CNTNAP2: variants seen among roughly 807,000 people sequenced by gnomAD.
CNTNAP2 encodes the protein contactin associated protein 2.
CNTNAP2 carries 98 observed loss-of-function variants against 155.2 expected under a neutral mutation model. The ratio of observed to expected loss-of-function variants is 0.63; its 90% CI spans 0.54 to 0.75. CNTNAP2 has a LOEUF of 0.75. CNTNAP2 is among the 30% of genes least tolerant of loss of function. The probability of loss-of-function intolerance (pLI) is 0.00; values close to 1 mark genes in which losing one functional copy is unlikely to be tolerated. For synonymous variants in CNTNAP2, 651 were observed against 631.2 expected (o/e 1.03, Z -0.47); for missense variants, 1,727 against 1,688.1 (o/e 1.02, Z -0.40).
In CNTNAP2 at chr7:148,350,726, G is replaced by A. The variant is rs534910306; in HGVS notation, c.3476-32923G>A. Among the ~76,000 whole-genome samples, 5 of 152,292 alleles carry A rather than the reference G, an allele frequency of 3.3e-5. No individual in the cohort carries two copies. The East Asian group carries it at 7.7e-4, about 23-fold the overall frequency. On this transcript the variant is annotated intron_variant, in intron 21 of 23. Transcript: ENST00000361727. ...CGTTCTTGTTGCAGTCATATATTTCGTGGTTTCATTAAATCGGCCTTGGTA... is the reference window on the plus strand; with the variant it reads ...CGTTCTTGTTGCAGTCATATATTTCATGGTTTCATTAAATCGGCCTTGGTA...
At chr7:147,094,456 C>T (rs1167979403) in intron 4 of CNTNAP2, among the ~76,000 whole-genome samples, 3 of 142,630 alleles carry the variant, frequency 2.1e-5, no homozygotes, top group South Asian at 2.2e-4. Context: ...GGCTGGAGTG[C>T]GGTGCCGCGA....
intron 5 of CNTNAP2, among the ~76,000 whole-genome samples, chr7:147,110,956 C>A (rs1179991261): frequency 6.6e-6 from 1 of 152,160 alleles, no homozygotes; most frequent in East Asian, 1.9e-4. Context: ...TTCACGCTGT[C>A]TTCCACAATG....
Position 148,228,764 on chromosome 7 carries a change from C to T in CNTNAP2, c.3248-882C>T, listed in dbSNP as rs180713762. Among the ~76,000 whole-genome samples the T allele has an allele frequency of 5.3e-3, 768 of 145,584 alleles. 9 individuals carry two copies. Among genetic ancestry groups the T allele is most frequent in the African/African-American group, 0.019 (745 of 39,596 alleles). The stretch of plus-strand genomic sequence containing the variant: ...AATGGCGTGAACCCGGGAGGCGGAG[C>T]TTACAGTGAGCCGAGATCGCGCCAC... On this transcript the variant is annotated intron_variant, in intron 19 of 23. Transcript: ENST00000361727.
intron 3 of CNTNAP2, among the ~76,000 whole-genome samples, chr7:147,022,749 A>G (rs1388151069): frequency 6.6e-6 from 1 of 152,100 alleles, no homozygotes; most frequent in Non-Finnish European, 1.5e-5. Flanking sequence ...CTTTTATCCC[A>G]ATTCGAATAT....
At chr7:147,601,467 G>A (rs983986898) in intron 12 of CNTNAP2, among the ~76,000 whole-genome samples, 23 of 151,956 alleles carry the variant, frequency 1.5e-4, no homozygotes, top group Non-Finnish European at 3.1e-4. Context: ...ACAAGGTAAT[G>A]TCATCAGTTA....
chr7:147,350,018 C>A (rs1206104848), intron 9 of CNTNAP2, among the ~76,000 whole-genome samples: 1 of 151,738 alleles, frequency 6.6e-6, no homozygotes, highest in Non-Finnish European at 1.5e-5. Flanking sequence ...GAATAATGAA[C>A]AAATTTATAA....
chr7:146,906,049 C>T (rs1324412393), intron 3 of CNTNAP2, among the ~76,000 whole-genome samples: 1 of 152,210 alleles, frequency 6.6e-6, no homozygotes, highest in Non-Finnish European at 1.5e-5. Flanking sequence ...GACGGACGCA[C>T]CTGGAAAATC....
intron 16 of CNTNAP2, among the ~76,000 whole-genome samples, chr7:148,141,767 G>C (rs528066291): frequency 6.6e-6 from 1 of 152,308 alleles, no homozygotes; most frequent in South Asian, 2.1e-4. Context: ...ATTTAACATA[G>C]AATGTTTAGG....
At chr7:147,573,053 G>T (rs974517001) in intron 12 of CNTNAP2, among the ~76,000 whole-genome samples, 1 of 152,052 alleles carries the variant, frequency 6.6e-6, no homozygotes, top group South Asian at 2.1e-4. Flanking sequence ...ATAGTAAATT[G>T]CACCAATATT....
At chr7:147,142,535 CT>C (rs1211993939) in intron 8 of CNTNAP2, among the ~76,000 whole-genome samples, 1 of 152,014 alleles carries the variant, frequency 6.6e-6, no homozygotes, top group Non-Finnish European at 1.5e-5. Flanking sequence ...CTAAAATTCT[CT>C]TTTTTTGTTG....
chr7:146,223,985 G>A (rs1274682113), intron 1 of CNTNAP2, among the ~76,000 whole-genome samples: 1 of 152,168 alleles, frequency 6.6e-6, no homozygotes, highest in Non-Finnish European at 1.5e-5. Flanking sequence ...CCTTCCGTTA[G>A]CATCAGTTGC....
At chr7:147,805,609 A>C (rs1303827598) in intron 13 of CNTNAP2, among the ~76,000 whole-genome samples, 1 of 152,036 alleles carries the variant, frequency 6.6e-6, no homozygotes. Flanking sequence ...TTTGTACCCT[A>C]TTGGTTGAGA....
chr7:147,639,877 G>A (rs970501928), intron 13 of CNTNAP2, among the ~76,000 whole-genome samples: 20 of 152,120 alleles, frequency 1.3e-4, no homozygotes, highest in African/African-American at 4.3e-4. Context: ...GACTGTGTCC[G>A]GGTGTAGAGA....
At chr7:148,362,198 TAA>T (rs759733791) in intron 21 of CNTNAP2, among the ~76,000 whole-genome samples, 5 of 56,698 alleles carry the variant, frequency 8.8e-5, no homozygotes, top group South Asian at 4.8e-4. Flanking sequence ...AGACTCCATC[TAA>T]AAAAAAAAAC....
intron 12 of CNTNAP2, among the ~76,000 whole-genome samples, chr7:147,604,935 A>G (rs901525732): frequency 2.6e-5 from 4 of 152,174 alleles, no homozygotes; most frequent in African/African-American, 7.2e-5. Flanking sequence ...TCTTCAATAA[A>G]TGCTTCTGAA....
intron 13 of CNTNAP2, among the ~76,000 whole-genome samples, chr7:147,647,372 AG>A (rs1346265696): frequency 6.6e-6 from 1 of 152,052 alleles, no homozygotes; most frequent in Non-Finnish European, 1.5e-5. Context: ...TTTCAATGTA[AG>A]AGGACACCCT....
At position 146,999,243 on chromosome 7, in the gene CNTNAP2, CAAA is replaced by C. The variant is rs3081713; in HGVS notation, c.403-44651_403-44649del. On this transcript the variant is annotated intron_variant, in intron 3 of 23. Transcript: ENST00000361727. ...CCTGATAACAGCTTAAGTTTGATTG[CAAA>C]AAAAAAAAAAAAGACAAAGCAAAAG... Among the ~76,000 whole-genome samples the C allele has an allele frequency of 7.4e-3, 973 of 131,532 alleles. 2 individuals carry two copies. Among genetic ancestry groups the C allele is most frequent in the Admixed American group, 8.1e-3 (96 of 11,830 alleles). The allele number at this position is 131,532 out of a possible 152,430, so 86.3% of individuals were successfully genotyped here. A position where few individuals can be genotyped will look rare whatever the true frequency, so the allele number is the denominator to read the frequency against.
At chr7:146,637,381 A>G (rs943648524) in intron 1 of CNTNAP2, among the ~76,000 whole-genome samples, 1 of 152,174 alleles carries the variant, frequency 6.6e-6, no homozygotes, top group African/African-American at 2.4e-5. Context: ...TCTTAACATA[A>G]CATGCATAGC....
chr7:147,802,713 C>T (rs979353800), intron 13 of CNTNAP2, among the ~76,000 whole-genome samples: 54 of 143,612 alleles, frequency 3.8e-4, no homozygotes, highest in African/African-American at 1.3e-3. Context: ...TGCAGTGAGC[C>T]GAGATGGCAG....
Sources: allele counts gnomAD v4.1 joint callset (sites outside exome capture counted in the v4.1 genomes callset), GRCh38; gene constraint gnomAD v4.1.1; transcripts MANE v1.5; gene names NCBI Gene and HGNC (gene_info 2026-07-23, HGNC 2026-07-21).